Variants in SDK1 observed in about 807,000 individuals in gnomAD.
The protein encoded by SDK1 is protein sidekick-1.
A neutral mutation model predicts 245.5 loss-of-function variants in SDK1; 157 were observed. That is an observed-to-expected ratio of 0.64 (90% CI 0.56 to 0.73). SDK1 has a LOEUF of 0.73. SDK1 is among the 30% of genes least tolerant of loss of function. The pLI, the probability that SDK1 is intolerant of heterozygous loss-of-function variation, is 0.00. For missense variants in SDK1, 3,583 were observed against 3,002.3 expected, an observed-to-expected ratio of 1.19 and a Z score of -4.52; for synonymous variants, 1,647 against 1,278.5, an observed-to-expected ratio of 1.29 and a Z score of -6.15.
intron 4 of SDK1, among the ~76,000 whole-genome samples, chr7:3,766,062 C>T (rs1026617079): frequency 2.6e-5 from 4 of 152,040 alleles, no homozygotes; most frequent in African/African-American, 4.8e-5. Flanking sequence ...TTACAAATGG[C>T]GTTTTCCCAA....
At chr7:4,088,711 T>A (rs1781586521) in intron 22 of SDK1, among the ~76,000 whole-genome samples, 1 of 152,180 alleles carries the variant, frequency 6.6e-6, no homozygotes, top group South Asian at 2.1e-4. Context: ...CAGAAGCAAT[T>A]TGGTCTTGAT....
chr7:4,069,411 G>A (rs1468381029), intron 20 of SDK1, among the ~76,000 whole-genome samples: 1 of 152,230 alleles, frequency 6.6e-6, no homozygotes, highest in Admixed American at 6.5e-5. Flanking sequence ...GGCTTTGCCT[G>A]TGGCATCTCA....
At chr7:3,969,184 G>A (rs904690314) in intron 10 of SDK1, 73 bp from the exon 11 acceptor site, 2 of 1,338,924 alleles carry the variant, frequency 1.5e-6, no homozygotes, top group Non-Finnish European at 2.0e-6. Flanking sequence ...ACTTGCTTAT[G>A]GCTCTAACCA....
chr7:3,382,019 C>G (rs1006079338), intron 1 of SDK1, among the ~76,000 whole-genome samples: 6 of 152,164 alleles, frequency 3.9e-5, no homozygotes, highest in African/African-American at 1.4e-4. Flanking sequence ...CTTATTGATG[C>G]CCTACTCTGT....
intron 5 of SDK1, among the ~76,000 whole-genome samples, chr7:3,911,621 T>G (rs1035699055): frequency 2.0e-5 from 3 of 152,148 alleles, no homozygotes; most frequent in African/African-American, 4.8e-5. Flanking sequence ...TTTCAACATA[T>G]GAATTTTGGG....
intron 13 of SDK1, among the ~76,000 whole-genome samples, chr7:3,980,896 C>G (rs527645651): frequency 2.0e-5 from 3 of 151,564 alleles, no homozygotes; most frequent in Admixed American, 1.3e-4. Context: ...AGCCGAATTG[C>G]ACCACTGCAC....
At chr7:3,877,615 A>G (rs1781106156) in intron 5 of SDK1, among the ~76,000 whole-genome samples, 1 of 152,234 alleles carries the variant, frequency 6.6e-6, no homozygotes, top group South Asian at 2.1e-4. Context: ...AGAATACACA[A>G]AAGATCTGAA....
chr7:4,150,053 C>T (rs571645618), intron 30 of SDK1, among the ~76,000 whole-genome samples: 30 of 152,240 alleles, frequency 2.0e-4, no homozygotes, highest in Admixed American at 3.3e-4. Context: ...ATAGCAGCGG[C>T]GTTCTGTGGG....
intron 41 of SDK1, among the ~76,000 whole-genome samples, chr7:4,236,472 G>A (rs1786176006): frequency 1.3e-5 from 2 of 152,142 alleles, no homozygotes; most frequent in African/African-American, 4.8e-5. Flanking sequence ...TTTTGCTAGA[G>A]GCAGAAAATA....
chr7:3,786,780 T>C (rs551190057), intron 4 of SDK1, among the ~76,000 whole-genome samples: 146 of 152,214 alleles, frequency 9.6e-4, no homozygotes, highest in Non-Finnish European at 1.8e-3. Flanking sequence ...TGCTTTACAG[T>C]TTTCCTTTTT....
intron 5 of SDK1, among the ~76,000 whole-genome samples, chr7:3,900,156 C>G (rs774695516): frequency 2.6e-5 from 4 of 152,198 alleles, no homozygotes; most frequent in African/African-American, 7.2e-5. Context: ...TGGTGCTACT[C>G]CTTCTAATCT....
chr7:4,227,065 TG>T, intron 40 of SDK1: 1 of 254,856 alleles, frequency 3.9e-6, no homozygotes, highest in Non-Finnish European at 7.7e-6. Context: ...CGTAGTCCCC[TG>T]GGGGCTTTCC....
intron 5 of SDK1, among the ~76,000 whole-genome samples, chr7:3,824,050 T>G (rs1189087886): frequency 1.3e-5 from 2 of 152,126 alleles, no homozygotes; most frequent in Non-Finnish European, 2.9e-5. Context: ...CAGAATTGTT[T>G]TAATTGTGCT....
chr7:3,705,322 A>G (rs932722463), intron 4 of SDK1, among the ~76,000 whole-genome samples: 1 of 152,142 alleles, frequency 6.6e-6, no homozygotes, highest in Admixed American at 6.5e-5. Context: ...ATCCATGAGC[A>G]TGGGATGTGT....
At chr7:3,575,305 C>T (rs1466776667) in intron 1 of SDK1, among the ~76,000 whole-genome samples, 1 of 151,916 alleles carries the variant, frequency 6.6e-6, no homozygotes, top group East Asian at 1.9e-4. Flanking sequence ...GGTGTCTCTT[C>T]TTGTAAGGGC....
At chr7:3,820,995 T>C (rs1303089631) in intron 4 of SDK1, among the ~76,000 whole-genome samples, 1 of 152,210 alleles carries the variant, frequency 6.6e-6, no homozygotes. Context: ...AGTGTAGATA[T>C]CCATACACAA....
chr7:3,792,896 T>C (rs1335308504), intron 4 of SDK1, among the ~76,000 whole-genome samples: 1 of 152,232 alleles, frequency 6.6e-6, no homozygotes, highest in Non-Finnish European at 1.5e-5. Context: ...GCACTGGCGT[T>C]TTAACATAGA....
intron 1 of SDK1, among the ~76,000 whole-genome samples, chr7:3,377,615 C>G (rs1445959327): frequency 4.6e-5 from 7 of 152,220 alleles, no homozygotes; most frequent in African/African-American, 1.4e-4. Flanking sequence ...TCTGAGTTCC[C>G]TTTGTTCTCT....
chr7:3,736,504 C>T (rs1313936517), intron 4 of SDK1, among the ~76,000 whole-genome samples: 1 of 152,066 alleles, frequency 6.6e-6, no homozygotes, highest in African/African-American at 2.4e-5. Flanking sequence ...GATCTCCTGC[C>T]CTCGTGATCC....
Sources: gnomAD v4.1 joint callset for allele counts (sites outside exome capture counted in the v4.1 genomes callset) on GRCh38, gnomAD v4.1.1 for gene constraint, MANE v1.5 for transcripts, NCBI Gene and HGNC (gene_info 2026-07-23, HGNC 2026-07-21) for gene names.